The following CPA6 variants were observed in gnomAD, a reference collection of about 807,000 sequenced individuals.
CPA6 encodes the protein carboxypeptidase B.
Under a neutral mutation model 63.3 loss-of-function variants are expected in CPA6, and 58 were observed. The ratio of observed to expected loss-of-function variants is 0.92; its 90% CI spans 0.74 to 1.14. The LOEUF is 1.14. CPA6 is among the 50% of genes most tolerant of loss of function. The probability of loss-of-function intolerance (pLI) is 0.00; values close to 1 mark genes in which losing one functional copy is unlikely to be tolerated. For missense variants in CPA6, 565 were observed against 526.6 expected (o/e 1.07, Z -0.71); for synonymous variants, 185 against 179.0 (o/e 1.03, Z -0.27).
chr8:67,672,914 T>C (rs1009506540), intron 1 of CPA6, among the ~76,000 whole-genome samples: 4 of 152,112 alleles, frequency 2.6e-5, no homozygotes, highest in Non-Finnish European at 5.9e-5. Context: ...CTAACTTTTT[T>C]TTTAAATCAG....
At chr8:67,480,701 G>A (rs1274538162) in intron 8 of CPA6, among the ~76,000 whole-genome samples, 2 of 152,124 alleles carry the variant, frequency 1.3e-5, no homozygotes, top group African/African-American at 4.8e-5. Context: ...ATCTAAGAGT[G>A]GAGTTGCTGG....
At chr8:67,541,079 A>T (rs576589272) in intron 2 of CPA6, among the ~76,000 whole-genome samples, 1 of 151,906 alleles carries the variant, frequency 6.6e-6, no homozygotes, top group Admixed American at 6.5e-5. Flanking sequence ...TCCAGGTGCC[A>T]CTGGGTACGA....
intron 1 of CPA6, among the ~76,000 whole-genome samples, chr8:67,721,315 C>G (rs1322910974): frequency 6.6e-6 from 1 of 152,216 alleles, no homozygotes; most frequent in Non-Finnish European, 1.5e-5. Flanking sequence ...AAAAGGTTCC[C>G]TTTCAACTTG....
rs1564021462 is a variant in CPA6, at chr8:67,607,240, CT to C, written c.192+16935del. On this transcript the variant is annotated intron_variant, in intron 2 of 10. Transcript: ENST00000297770. ...TCTTCTTCTTCTTCTTCTTCTTCTT[CT>C]TCTTCTTCTTCTCCTCCTCCTCCTT... 4.7e-3 allele frequency among the ~76,000 whole-genome samples: 550 copies of C among 115,990 alleles called. 60 individuals are homozygous for C. Among genetic ancestry groups the C allele is most frequent in the East Asian group, 0.012 (47 of 4,026 alleles). 76.1% of individuals were successfully genotyped at this position (115,990 alleles called of 152,430 possible).
chr8:67,424,500 G>T (rs886135519), intron 10 of CPA6, among the ~76,000 whole-genome samples: 1 of 152,054 alleles, frequency 6.6e-6, no homozygotes, highest in Non-Finnish European at 1.5e-5. Flanking sequence ...GATACTGTTG[G>T]TTATTGTCGT....
intron 1 of CPA6, among the ~76,000 whole-genome samples, chr8:67,740,038 G>T (rs1817883726): frequency 6.6e-6 from 1 of 152,158 alleles, no homozygotes; most frequent in African/African-American, 2.4e-5. Flanking sequence ...GACACAAGAG[G>T]CATATTTGAA....
chr8:67,542,721 A>C (rs1812733693), intron 2 of CPA6, among the ~76,000 whole-genome samples: 1 of 152,220 alleles, frequency 6.6e-6, no homozygotes, highest in Admixed American at 6.5e-5. Context: ...AGCTGAACAT[A>C]AGATGTACTG....
chr8:67,503,737 A>ATAT (rs1216460602), intron 6 of CPA6, among the ~76,000 whole-genome samples: 1 of 151,908 alleles, frequency 6.6e-6, no homozygotes, highest in Admixed American at 6.6e-5. Flanking sequence ...TGCATGCATT[A>ATAT]TATTATTATT....
intron 2 of CPA6, among the ~76,000 whole-genome samples, chr8:67,524,399 G>A (rs1266952449): frequency 6.6e-6 from 1 of 152,158 alleles, no homozygotes; most frequent in Non-Finnish European, 1.5e-5. Context: ...CAAAATCAAG[G>A]TGTTGGCTAG....
intron 8 of CPA6, among the ~76,000 whole-genome samples, chr8:67,482,005 C>T (rs1811370204): frequency 6.6e-6 from 1 of 152,178 alleles, no homozygotes; most frequent in Non-Finnish European, 1.5e-5. Flanking sequence ...TGTTGGCTCA[C>T]AGAAAAAATC....
chr8:67,704,708 A>G (rs1272902249), intron 1 of CPA6, among the ~76,000 whole-genome samples: 3 of 152,200 alleles, frequency 2.0e-5, no homozygotes, highest in Admixed American at 1.3e-4. Context: ...GTTAAGGTAC[A>G]CGGTAAGACT....
intron 2 of CPA6, among the ~76,000 whole-genome samples, chr8:67,583,384 A>C (rs1048812504): frequency 6.6e-6 from 1 of 152,140 alleles, no homozygotes; most frequent in Non-Finnish European, 1.5e-5. Flanking sequence ...ATGGAGGGTG[A>C]AATTTGGGTT....
At chr8:67,480,105 C>T (rs1353703761) in intron 8 of CPA6, among the ~76,000 whole-genome samples, 1 of 152,040 alleles carries the variant, frequency 6.6e-6, no homozygotes, top group Admixed American at 6.6e-5. Context: ...TATTAGGTAA[C>T]TGAGTGTTCT....
At chr8:67,502,958 G>T (rs535232964) in intron 6 of CPA6, among the ~76,000 whole-genome samples, 2 of 152,218 alleles carry the variant, frequency 1.3e-5, no homozygotes, top group South Asian at 2.1e-4. Context: ...TGCTCTTGTT[G>T]GGTACAGTCT....
chr8:67,717,680 C>T (rs922349843), intron 1 of CPA6, among the ~76,000 whole-genome samples: 2 of 152,152 alleles, frequency 1.3e-5, no homozygotes, highest in Non-Finnish European at 1.5e-5. Flanking sequence ...GTGAATATTA[C>T]CTTATGTGGC....
intron 1 of CPA6, among the ~76,000 whole-genome samples, chr8:67,728,715 G>A (rs529997440): frequency 1.3e-5 from 2 of 152,234 alleles, no homozygotes; most frequent in East Asian, 3.9e-4. Flanking sequence ...TTACATATAT[G>A]AACTTATTCA....
intron 1 of CPA6, among the ~76,000 whole-genome samples, chr8:67,710,753 G>A (rs373545616): frequency 2.6e-5 from 4 of 151,028 alleles, no homozygotes; most frequent in Non-Finnish European, 5.9e-5. Flanking sequence ...TAGTCTGTTG[G>A]GGGGGGCTTA....
intron 2 of CPA6, among the ~76,000 whole-genome samples, chr8:67,526,765 C>T (rs1293876451): frequency 6.6e-6 from 1 of 152,000 alleles, no homozygotes; most frequent in African/African-American, 2.4e-5. Context: ...CTTTGGCACC[C>T]TGCATTTTTC....
intron 2 of CPA6, among the ~76,000 whole-genome samples, chr8:67,552,589 C>T (rs981397274): frequency 5.9e-5 from 9 of 151,552 alleles, no homozygotes; most frequent in Non-Finnish European, 8.9e-5. Context: ...CTGGCTAACA[C>T]AGTGAAACCC....
Sources: gnomAD v4.1 joint callset for allele counts (sites outside exome capture counted in the v4.1 genomes callset) on GRCh38, gnomAD v4.1.1 for gene constraint, MANE v1.5 for transcripts, NCBI Gene and HGNC (gene_info 2026-07-23, HGNC 2026-07-21) for gene names.